Variants in KCNK10 observed in about 807,000 individuals in gnomAD.
KCNK10 encodes the protein potassium two pore domain channel subfamily K member 10.
Under a neutral mutation model 47.7 loss-of-function variants are expected in KCNK10, and 25 were observed. The observed-to-expected ratio is 0.52, with a 90% CI of 0.38 to 0.73. The LOEUF is 0.73. Among genes scored for constraint, KCNK10 ranks in the 30% least tolerant of loss-of-function variants. The probability of loss-of-function intolerance (pLI) is 0.00; values close to 1 mark genes in which losing one functional copy is unlikely to be tolerated. For missense variants in KCNK10, 563 were observed against 714.5 expected (o/e 0.79, Z 2.42); for synonymous variants, 303 against 285.6 (o/e 1.06, Z -0.61).
rs1470949454 is a variant in KCNK10 at position 88,246,438 on chromosome 14, A to G, written c.403-5618T>C. On this transcript the variant is annotated intron_variant, in intron 2 of 6. Transcript: ENST00000319231. ...CAGCAACATCTCTCCACCTCCTCAC[A>G]CATTTATGGCCGAAGAGCCTCGGGT... 2.0e-5 allele frequency among the ~76,000 whole-genome samples: 3 copies of G among 152,192 alleles called. No individual in the cohort carries two copies. In the South Asian group the frequency reaches 6.2e-4, roughly 31 times the overall value.
At chr14:88,277,315 A>G (rs1038735055) in intron 1 of KCNK10, among the ~76,000 whole-genome samples, 2 of 152,192 alleles carry the variant, frequency 1.3e-5, no homozygotes, top group South Asian at 4.1e-4. Context: ...TCTACAAAAT[A>G]CCCTACCAAA....
rs139466925 is a variant in KCNK10, at chr14:88,234,870, G to A, written c.520+5833C>T. Among the ~76,000 whole-genome samples the A allele has an allele frequency of 1.6e-3, 251 of 152,266 alleles. 3 individuals carry two copies. Among genetic ancestry groups the A allele is most frequent in the African/African-American group, 5.4e-3 (226 of 41,562 alleles). ...ATGTGTAAGAACTACCAAAAGAAGC[G>A]GAGATTGGACAGAAGCCATATGAAC... On this transcript the variant is annotated intron_variant, in intron 3 of 6. Transcript: ENST00000319231.
chr14:88,250,418 G>C lies in KCNK10; in HGVS notation c.403-9598C>G, dbSNP rs551619088. ...AGCCAGGAGGAGTCACTTCAACTCAGAGTTGTGCCCCTGGGCTCAAAGAAC... is the reference window on the plus strand; with the variant it reads ...AGCCAGGAGGAGTCACTTCAACTCACAGTTGTGCCCCTGGGCTCAAAGAAC... On this transcript the variant is annotated intron_variant, in intron 2 of 6. Coordinates refer to ENST00000319231, the MANE Select transcript of KCNK10 (RefSeq NM_138317.3). Among the ~76,000 whole-genome samples the C allele has an allele frequency of 1.4e-4, 22 of 152,264 alleles. No homozygotes were observed. In the South Asian group the frequency reaches 4.6e-3, roughly 32 times the overall value.
chr14:88,270,974 GC>G lies in KCNK10; in HGVS notation c.53-7424del, dbSNP rs1426230086. On this transcript the variant is annotated intron_variant, in intron 1 of 6. Transcript: ENST00000319231. ...TCTCACAGGCCTCACCCACTGCCAC[GC>G]CCCCACAAGCAACCTTTGCCCCAGC... 2.1e-5 allele frequency: 13 copies of G among 630,762 alleles called. No homozygotes were observed. In the East Asian group the frequency reaches 3.5e-4, roughly 17 times the overall value. 39.1% of individuals were successfully genotyped at this position (630,762 alleles called of 1,614,324 possible).
At chr14:88,309,957 T>C (rs1267660073) in intron 1 of KCNK10, among the ~76,000 whole-genome samples, 2 of 151,976 alleles carry the variant, frequency 1.3e-5, no homozygotes, top group Admixed American at 6.6e-5. Context: ...AGCACCTGAC[T>C]TCCCCCCTTC....
At chr14:88,203,558 T>C (rs1283600292) in intron 4 of KCNK10, among the ~76,000 whole-genome samples, 1 of 152,202 alleles carries the variant, frequency 6.6e-6, no homozygotes, top group African/African-American at 2.4e-5. Flanking sequence ...CTGTGGGTAA[T>C]ATCTCTCTGA....
Position 88,185,973 on chromosome 14 carries a change from G to A in KCNK10, c.1194C>T (p.Ser398=), listed in dbSNP as rs775302473. 5 of 1,613,496 alleles carry A rather than the reference G, an allele frequency of 3.1e-6. No individual in the cohort carries two copies. The highest frequency in any genetic ancestry group is 4.2e-6 in the Non-Finnish European group (5 of 1,179,980). Residue 398 remains serine (S), a synonymous_variant, in exon 7 of 7, where the codon TCC becomes TCT. Coordinates refer to ENST00000319231, the MANE Select transcript of KCNK10 (RefSeq NM_138317.3). This position sits in a 1 kb window ranked among gnomAD's most constrained non-coding sequence, Gnocchi z 4.3. ...DQRAHSLDML[S]PEKRSVFAAL... ...CAGCAAAGACAGAGCGCTTCTCGGG[G>A]GACAGCATGTCCAGTGAGTGGGCCC...
chr14:88,292,621 G>A (rs949268279), intron 1 of KCNK10, among the ~76,000 whole-genome samples: 2 of 151,556 alleles, frequency 1.3e-5, no homozygotes, highest in African/African-American at 2.4e-5. Flanking sequence ...AGAGTGCTGG[G>A]ATTACAGGTT....
intron 2 of KCNK10, among the ~76,000 whole-genome samples, chr14:88,242,931 C>T (rs1325961193): frequency 6.6e-6 from 1 of 152,176 alleles, no homozygotes; most frequent in Non-Finnish European, 1.5e-5. Flanking sequence ...TTTACAACTC[C>T]TATCAAGCTG....
Position 88,186,019 on chromosome 14 carries a change from C to G in KCNK10, c.1148G>C (p.Arg383Pro). Residue 383 changes from arginine to proline, a missense_variant, in exon 7 of 7, where the codon CGG becomes CCG. Transcript: ENST00000319231. The surrounding 1 kb of genome is among the most constrained non-coding windows in gnomAD (Gnocchi z 5.5). Reference protein sequence around the residue: ...RAATIRSMERRRLGLDQRAHS... With the variant: ...RAATIRSMERPRLGLDQRAHS... ...GGCCCGCTGGTCCAGGCCCAGCCGC[C>G]GGCGCTCCATGCTGCGGATGGTGGC... 1 of 1,613,524 alleles carries G rather than the reference C, an allele frequency of 6.2e-7. No individual in the cohort carries two copies. The highest frequency in any genetic ancestry group is 1.1e-5 in the South Asian group (1 of 91,042).
At chr14:88,226,189 T>C (rs752296933) in intron 4 of KCNK10, among the ~76,000 whole-genome samples, 5 of 152,246 alleles carry the variant, frequency 3.3e-5, no homozygotes, top group Non-Finnish European at 4.4e-5. Context: ...TATCCCCTTT[T>C]GTGGATGAGT....
At chr14:88,193,436 G>C (rs1307757382) in intron 4 of KCNK10, among the ~76,000 whole-genome samples, 2 of 152,128 alleles carry the variant, frequency 1.3e-5, no homozygotes, top group Non-Finnish European at 2.9e-5. Flanking sequence ...AAAACTCTAA[G>C]CTGAAAAATC....
In KCNK10 at chr14:88,181,452, G is replaced by A. The variant is rs926924078; in HGVS notation, c.*4083C>T. 1 of 151,668 alleles carries A rather than the reference G, an allele frequency of 6.6e-6. No homozygotes were observed. The highest frequency in any genetic ancestry group is 1.5e-5 in the Non-Finnish European group (1 of 68,066). 9.4% of individuals were successfully genotyped at this position (151,668 alleles called of 1,614,324 possible). A position where few individuals can be genotyped will look rare whatever the true frequency, so the allele number is the denominator to read the frequency against. On this transcript the variant is annotated 3_prime_UTR_variant, in exon 7 of 7. Transcript: ENST00000319231. The stretch of plus-strand genomic sequence containing the variant: ...TGTGTGTGTGTGTGAGAGAGAGAGA[G>A]ATGTCTGTCTGATCATAGTACTTGA...
chr14:88,197,572 T>TAA lies in KCNK10; in HGVS notation c.682-5164_682-5163dup, dbSNP rs71417717. 1.8e-3 allele frequency among the ~76,000 whole-genome samples: 31 copies of TAA among 17,152 alleles called. 10 individuals are homozygous for TAA. Among genetic ancestry groups the TAA allele is most frequent in the Non-Finnish European group, 3.8e-3 (25 of 6,544 alleles). 11.3% of individuals were successfully genotyped at this position (17,152 alleles called of 152,430 possible). A position where few individuals can be genotyped will look rare whatever the true frequency, so the allele number is the denominator to read the frequency against. On this transcript the variant is annotated intron_variant, in intron 4 of 6. Coordinates refer to ENST00000319231, the MANE Select transcript of KCNK10 (RefSeq NM_138317.3). Reference sequence around the variant, plus strand: ...CTGGGCAACAGAGAGAGACTCCGACTAAAAAAAAAAAAAAAAAAAAAAAAA... The same window carrying TAA: ...CTGGGCAACAGAGAGAGACTCCGACTAAAAAAAAAAAAAAAAAAAAAAAAAAA...
At chr14:88,254,843 A>G (rs965521300) in intron 2 of KCNK10, among the ~76,000 whole-genome samples, 13 of 151,998 alleles carry the variant, frequency 8.6e-5, no homozygotes, top group African/African-American at 2.7e-4. Context: ...TACTCCAGGT[A>G]TAATTATCTT....
chr14:88,282,205 A>G (rs1255715601), intron 1 of KCNK10, among the ~76,000 whole-genome samples: 2 of 152,244 alleles, frequency 1.3e-5, no homozygotes, highest in Non-Finnish European at 2.9e-5. Flanking sequence ...GGAATCATAG[A>G]TATCAACTAG....
chr14:88,265,700 T>A (rs1887233264), intron 1 of KCNK10, among the ~76,000 whole-genome samples: 1 of 152,182 alleles, frequency 6.6e-6, no homozygotes, highest in Non-Finnish European at 1.5e-5. Context: ...AATCCTTACA[T>A]CTTGGGGGAG....
chr14:88,281,611 A>G (rs944357037), intron 1 of KCNK10, among the ~76,000 whole-genome samples: 2 of 151,870 alleles, frequency 1.3e-5, no homozygotes, highest in African/African-American at 4.8e-5. Flanking sequence ...TTGCACTGGA[A>G]CTAAACTATC....
chr14:88,251,821 A>G (rs1404369329), intron 2 of KCNK10, among the ~76,000 whole-genome samples: 1 of 152,182 alleles, frequency 6.6e-6, no homozygotes, highest in Non-Finnish European at 1.5e-5. Context: ...CCCTTTGGCC[A>G]CATTTGCTCA....
Sources: gnomAD v4.1 joint callset for allele counts (sites outside exome capture counted in the v4.1 genomes callset) on GRCh38, gnomAD v4.1.1 for gene constraint, Gnocchi (gnomAD v3.1) non-coding constraint, MANE v1.5 for transcripts, NCBI Gene and HGNC (gene_info 2026-07-23, HGNC 2026-07-21) for gene names.